The following PCDHA4 variants were observed in gnomAD, a reference collection of about 807,000 sequenced individuals.
The protein encoded by PCDHA4 is protocadherin alpha-4.
PCDHA4 carries 49 observed loss-of-function variants against 61.4 expected under a neutral mutation model. The observed-to-expected ratio is 0.80, with a 90% CI of 0.63 to 1.01. The LOEUF (loss-of-function observed/expected upper bound fraction) is 1.01, where lower values mean the gene tolerates loss of function less well. Ranked by LOEUF, PCDHA4 falls within the 50% of genes least tolerant of loss-of-function variation. The pLI is 0.00. For missense variants in PCDHA4, 1,254 were observed against 1,235.8 expected, an observed-to-expected ratio of 1.01 and a Z score of -0.22; for synonymous variants, 590 against 550.3, an observed-to-expected ratio of 1.07 and a Z score of -1.01.
intron 1 of PCDHA4, chr5:140,828,532 G>T: frequency 6.2e-7 from 1 of 1,614,280 alleles, no homozygotes; most frequent in Non-Finnish European, 8.5e-7. Context: ...AATCTAGGCT[G>T]CCAGATTCTG....
chr5:140,884,839 G>A lies in PCDHA4; in HGVS notation c.2385+75267G>A, dbSNP rs180730260. Reference sequence around the variant, plus strand: ...ACATTATGTGTTGGATTATCCTTCAGAGTGAAATCTTAACTCACAAACCAT... The same window carrying A: ...ACATTATGTGTTGGATTATCCTTCAAAGTGAAATCTTAACTCACAAACCAT... On this transcript the variant is annotated intron_variant, in intron 1 of 3. Coordinates refer to ENST00000530339, the MANE Select transcript of PCDHA4 (RefSeq NM_018907.4). 2.5e-3 allele frequency: 2,207 copies of A among 893,274 alleles called. 7 individuals are homozygous for A. Among genetic ancestry groups the A allele is most frequent in the Middle Eastern group, 9.3e-3 (26 of 2,802 alleles). 55.3% of individuals were successfully genotyped at this position (893,274 alleles called of 1,614,324 possible). A position where few individuals can be genotyped will look rare whatever the true frequency, so the allele number is the denominator to read the frequency against.
intron 1 of PCDHA4, chr5:140,876,391 G>T: frequency 6.2e-7 from 1 of 1,613,920 alleles, no homozygotes; most frequent in South Asian, 1.1e-5. Context: ...AATTTATGGT[G>T]AACTGGATTT....
At chr5:140,843,773 T>A in intron 1 of PCDHA4, 1 of 1,456,190 alleles carries the variant, frequency 6.9e-7, no homozygotes. Context: ...GTAGTTACTT[T>A]AAAAGTGTTT....
chr5:140,969,095 C>T, intron 1 of PCDHA4: 1 of 1,614,168 alleles, frequency 6.2e-7, no homozygotes, highest in East Asian at 2.2e-5. Flanking sequence ...AGTGCAGCCT[C>T]ACTTCATTGA....
At position 140,872,763 on chromosome 5, in the gene PCDHA4, G is replaced by T. The variant is rs560485194; in HGVS notation, c.2385+63191G>T. The stretch of plus-strand genomic sequence containing the variant: ...AACTTGCTAAAGACATGCATATAGG[G>T]CTATATTATCTATAATATATGCTAG... On this transcript the variant is annotated intron_variant, in intron 1 of 3. Transcript: ENST00000530339. Among the ~76,000 whole-genome samples, 293 of 152,126 alleles carry T rather than the reference G, an allele frequency of 1.9e-3. 2 individuals are homozygous for T. The highest frequency in any genetic ancestry group is 3.6e-3 in the Non-Finnish European group (245 of 67,974).
intron 1 of PCDHA4, chr5:140,870,062 A>G (rs1554163774): frequency 5.0e-6 from 8 of 1,613,902 alleles, no homozygotes; most frequent in South Asian, 3.3e-5. Context: ...ATTGAAGTAC[A>G]GGCTACAGAT....
At chr5:140,931,884 T>A (rs1554208638) in intron 1 of PCDHA4, among the ~76,000 whole-genome samples, 1 of 151,972 alleles carries the variant, frequency 6.6e-6, no homozygotes, top group Non-Finnish European at 1.5e-5. Flanking sequence ...ATTGCTTTCA[T>A]TTTATTTCAA....
At chr5:140,915,831 G>T (rs1326644343) in intron 1 of PCDHA4, among the ~76,000 whole-genome samples, 1 of 152,168 alleles carries the variant, frequency 6.6e-6, no homozygotes, top group Non-Finnish European at 1.5e-5. Flanking sequence ...AGGGCTCTAA[G>T]ATCAGCAGGG....
At chr5:140,834,250 A>G in intron 1 of PCDHA4, 1 of 907,572 alleles carries the variant, frequency 1.1e-6, no homozygotes, top group Non-Finnish European at 1.7e-6. Context: ...CGCACTGGAA[A>G]GACGCTCCAC....
intron 3 of PCDHA4, among the ~76,000 whole-genome samples, chr5:141,006,206 AT>A (rs1178693799): frequency 1.4e-5 from 2 of 147,854 alleles, no homozygotes. Flanking sequence ...GTTATGCCTC[AT>A]TTTTTTTTAA....
intron 3 of PCDHA4, among the ~76,000 whole-genome samples, chr5:141,008,048 G>A (rs2098358764): frequency 1.3e-5 from 2 of 151,972 alleles, no homozygotes; most frequent in South Asian, 4.2e-4. Flanking sequence ...TTTGTAACAG[G>A]GGTCCAGTCC....
At chr5:140,831,306 T>C (rs183127470) in intron 1 of PCDHA4, 1 of 152,292 alleles carries the variant, frequency 6.6e-6, no homozygotes, top group Non-Finnish European at 1.5e-5. Flanking sequence ...ATCTATTTCT[T>C]TGTATTAGTG....
At chr5:140,834,343 G>A in intron 1 of PCDHA4, 2 of 1,517,652 alleles carry the variant, frequency 1.3e-6, no homozygotes, top group South Asian at 1.3e-5. Context: ...TAAATTCGAA[G>A]GCAAGTTTTG....
Position 140,926,934 on chromosome 5 carries a change from C to T in PCDHA4, c.2386-52015C>T, listed in dbSNP as rs138351230. ...TGGCAGTTTTATGTTTGTGGGTTTC[C>T]TGCGGCGCTGCAGCGGGACAGCTCG... On this transcript the variant is annotated intron_variant, in intron 1 of 3. Coordinates refer to ENST00000530339, the MANE Select transcript of PCDHA4 (RefSeq NM_018907.4). The T allele has an allele frequency of 5.7e-6, 9 of 1,578,848 alleles. No homozygotes were observed. The African/African-American group carries it at 1.2e-4, about 21-fold the overall frequency.
At chr5:140,822,627 T>C in intron 1 of PCDHA4, 1 of 1,611,408 alleles carries the variant, frequency 6.2e-7, no homozygotes, top group South Asian at 1.1e-5. Flanking sequence ...GTAATCTTGT[T>C]CTTGACGATG....
intron 1 of PCDHA4, chr5:140,823,113 C>G (rs2150122463): frequency 6.2e-7 from 1 of 1,614,074 alleles, no homozygotes; most frequent in Admixed American, 1.7e-5. Context: ...AAGTGGCCGA[C>G]GTGAACGACA....
At position 140,808,437 on chromosome 5, in the gene PCDHA4, G is replaced by T. The variant is rs781860086; in HGVS notation, c.1250G>T (p.Ser417Ile). ...CTGGACAGTGCCCTGGACCGCGAGA[G>T]CGTGTCAGCCTATGAGCTGGTGGTG... ...LVLDSALDRE[S>I]VSAYELVVTA... Residue 417 changes from serine (S) to isoleucine (I), a missense_variant, in exon 1 of 4, where the codon AGC becomes ATC. Coordinates refer to ENST00000530339, the MANE Select transcript of PCDHA4 (RefSeq NM_018907.4). 1.2e-6 allele frequency: 2 copies of T among 1,614,178 alleles called. No individual in the cohort carries two copies. The highest frequency in any genetic ancestry group is 8.5e-7 in the Non-Finnish European group (1 of 1,180,052).
chr5:140,857,769 G>A, intron 1 of PCDHA4: 1 of 1,597,600 alleles, frequency 6.3e-7, no homozygotes, highest in Non-Finnish European at 8.6e-7. Context: ...AGCGCGGGCG[G>A]TGCAGTCAGT....
intron 1 of PCDHA4, chr5:140,860,707 T>G (rs914346962): frequency 6.6e-6 from 1 of 152,220 alleles, no homozygotes; most frequent in Non-Finnish European, 1.5e-5. Context: ...ATTGTTGTTC[T>G]CCATGAAAAG....
Sources: allele counts gnomAD v4.1 joint callset (sites outside exome capture counted in the v4.1 genomes callset), GRCh38; gene constraint gnomAD v4.1.1; transcripts MANE v1.5; gene names NCBI Gene and HGNC (gene_info 2026-07-23, HGNC 2026-07-21).